Variants in CADPS2 observed in about 807,000 individuals in gnomAD.
The protein encoded by CADPS2 is calcium-dependent secretion activator 2.
A neutral mutation model predicts 172.5 loss-of-function variants in CADPS2; 93 were observed. The ratio of observed to expected loss-of-function variants is 0.54; its 90% CI spans 0.46 to 0.64. CADPS2 has a LOEUF of 0.64. Ranked by LOEUF, CADPS2 falls within the 30% of genes least tolerant of loss-of-function variation. The pLI, the probability that CADPS2 is intolerant of heterozygous loss-of-function variation, is 0.00. For synonymous variants in CADPS2, 546 were observed against 555.2 expected, an observed-to-expected ratio of 0.98 and a Z score of 0.23; for missense variants, 1,420 against 1,565.9, an observed-to-expected ratio of 0.91 and a Z score of 1.57.
intron 5 of CADPS2, among the ~76,000 whole-genome samples, chr7:122,619,507 G>C (rs1271000293): frequency 6.6e-6 from 1 of 151,552 alleles, no homozygotes; most frequent in Admixed American, 6.6e-5. Context: ...CATGTCTGTA[G>C]TCCCATCTAC....
intron 2 of CADPS2, among the ~76,000 whole-genome samples, chr7:122,723,243 A>G (rs1303757361): frequency 6.6e-6 from 1 of 152,190 alleles, no homozygotes; most frequent in Non-Finnish European, 1.5e-5. Flanking sequence ...GTGAACAGGC[A>G]ACCTACAGAA....
chr7:122,791,199 A>C (rs1048172453), intron 1 of CADPS2, among the ~76,000 whole-genome samples: 1 of 152,194 alleles, frequency 6.6e-6, no homozygotes, highest in African/African-American at 2.4e-5. Context: ...TCATTTAGAC[A>C]TCACAGTCTT....
chr7:122,655,344 C>A (rs542470111), intron 3 of CADPS2, among the ~76,000 whole-genome samples: 2 of 152,054 alleles, frequency 1.3e-5, no homozygotes, highest in African/African-American at 2.4e-5. Flanking sequence ...AAGAGTGAAT[C>A]GCTATGCAAA....
chr7:122,659,691 C>T (rs2080295285), intron 3 of CADPS2, among the ~76,000 whole-genome samples: 1 of 151,758 alleles, frequency 6.6e-6, no homozygotes, highest in Admixed American at 6.6e-5. Context: ...GCACACACAC[C>T]CCTAGACACA....
At chr7:122,376,940 T>A (rs928038826) in intron 25 of CADPS2, among the ~76,000 whole-genome samples, 1 of 152,134 alleles carries the variant, frequency 6.6e-6, no homozygotes, top group African/African-American at 2.4e-5. Context: ...ATTTGCATCA[T>A]CTTTTTAAAA....
At chr7:122,681,317 G>A (rs1455047658) in intron 2 of CADPS2, 5 of 1,278,840 alleles carry the variant, frequency 3.9e-6, no homozygotes, top group Non-Finnish European at 5.6e-6. Flanking sequence ...CCTCCAAGAT[G>A]ACAAAGAAAA....
chr7:122,320,794 A>G (rs1040954561), intron 29 of CADPS2, among the ~76,000 whole-genome samples: 1 of 152,154 alleles, frequency 6.6e-6, no homozygotes, highest in Non-Finnish European at 1.5e-5. Flanking sequence ...GATTAATCCT[A>G]TTATCGGTAA....
chr7:122,361,224 C>CTTT (rs376434122), intron 25 of CADPS2, among the ~76,000 whole-genome samples: 4 of 103,416 alleles, frequency 3.9e-5, no homozygotes, highest in South Asian at 3.2e-4. Context: ...AAATAATACA[C>CTTT]TTTTTTTTTT....
At chr7:122,838,816 A>G (rs991938802) in intron 1 of CADPS2, among the ~76,000 whole-genome samples, 4 of 152,206 alleles carry the variant, frequency 2.6e-5, no homozygotes, top group African/African-American at 7.2e-5. Flanking sequence ...ATGCTCATGG[A>G]TAGGAAGAAT....
At chr7:122,883,433 T>C (rs2141815960) in intron 1 of CADPS2, among the ~76,000 whole-genome samples, 1 of 152,314 alleles carries the variant, frequency 6.6e-6, no homozygotes, top group African/African-American at 2.4e-5. Context: ...ATTTCAGCTA[T>C]TAAATCTTTT....
chr7:122,722,265 G>C (rs1455007547), intron 2 of CADPS2, among the ~76,000 whole-genome samples: 2 of 152,028 alleles, frequency 1.3e-5, no homozygotes, highest in African/African-American at 2.4e-5. Flanking sequence ...CCTGTTTGCA[G>C]ATGACATGAT....
chr7:122,846,574 A>G (rs1311617138), intron 1 of CADPS2, among the ~76,000 whole-genome samples: 2 of 152,204 alleles, frequency 1.3e-5, no homozygotes, highest in African/African-American at 4.8e-5. Flanking sequence ...AGGAATTGCA[A>G]TATTAGTTAT....
At chr7:122,719,011 G>A (rs529149388) in intron 2 of CADPS2, among the ~76,000 whole-genome samples, 12 of 147,480 alleles carry the variant, frequency 8.1e-5, no homozygotes, top group African/African-American at 2.2e-4. Flanking sequence ...TGCCATAAAT[G>A]TACACAATTT....
At chr7:122,850,366 G>T in intron 1 of CADPS2, 1 of 369,046 alleles carries the variant, frequency 2.7e-6, no homozygotes, top group Non-Finnish European at 5.1e-6. Flanking sequence ...CCACCTAGGG[G>T]GGTGACACCT....
chr7:122,882,793 G>C (rs1451379680), intron 1 of CADPS2, among the ~76,000 whole-genome samples: 1 of 152,068 alleles, frequency 6.6e-6, no homozygotes, highest in Admixed American at 6.6e-5. Flanking sequence ...TGTTAGCACT[G>C]GGGTGGTGCA....
At chr7:122,597,201 A>G (rs2071952783) in intron 6 of CADPS2, among the ~76,000 whole-genome samples, 1 of 152,078 alleles carries the variant, frequency 6.6e-6, no homozygotes, top group Non-Finnish European at 1.5e-5. Flanking sequence ...TATCCAAACT[A>G]TCATCATACG....
chr7:122,708,054 T>C (rs1329145592), intron 2 of CADPS2, among the ~76,000 whole-genome samples: 1 of 151,836 alleles, frequency 6.6e-6, no homozygotes, highest in Non-Finnish European at 1.5e-5. Context: ...CAAATGACCA[T>C]ATCTGTCATC....
chr7:122,370,653 C>G (rs1006724202), intron 25 of CADPS2, among the ~76,000 whole-genome samples: 1 of 152,048 alleles, frequency 6.6e-6, no homozygotes, highest in Admixed American at 6.6e-5. Flanking sequence ...AAGGAGAGGG[C>G]TAAATTTGCT....
At chr7:122,791,761 G>T (rs555593705) in intron 1 of CADPS2, among the ~76,000 whole-genome samples, 1 of 152,052 alleles carries the variant, frequency 6.6e-6, no homozygotes, top group Admixed American at 6.6e-5. Context: ...TAAAATGTTA[G>T]TTCAAAATTA....
Sources: gnomAD v4.1 joint callset for allele counts (sites outside exome capture counted in the v4.1 genomes callset) on GRCh38, gnomAD v4.1.1 for gene constraint, MANE v1.5 for transcripts, NCBI Gene and HGNC (gene_info 2026-07-23, HGNC 2026-07-21) for gene names.